Variants in TESK2 observed in about 807,000 individuals in gnomAD.
The protein encoded by TESK2 is testis associated actin remodelling kinase 2.
TESK2 carries 39 observed loss-of-function variants against 57.1 expected under a neutral mutation model. The observed-to-expected ratio is 0.68, with a 90% confidence interval of 0.53 to 0.89. The LOEUF (loss-of-function observed/expected upper bound fraction) is 0.89. Ranked by LOEUF, TESK2 falls within the 40% of genes least tolerant of loss-of-function variation. TESK2 has a pLI of 0.00. For synonymous variants in TESK2, 249 were observed against 267.9 expected (o/e 0.93, Z 0.69); for missense variants, 646 against 732.1 (o/e 0.88, Z 1.36).
At chr1:45,425,878 C>T (rs972551686) in intron 2 of TESK2, among the ~76,000 whole-genome samples, 3 of 151,944 alleles carry the variant, frequency 2.0e-5, no homozygotes, top group Non-Finnish European at 4.4e-5. Flanking sequence ...GGTGCAGTAG[C>T]TTATGCCTGT....
intron 3 of TESK2, among the ~76,000 whole-genome samples, chr1:45,392,837 C>T (rs974584755): frequency 2.0e-5 from 3 of 152,308 alleles, no homozygotes; most frequent in Non-Finnish European, 2.9e-5. Flanking sequence ...GCCACTATGC[C>T]GGGCCAAGGC....
At chr1:45,357,389 G>T (rs1647477616) in intron 4 of TESK2, among the ~76,000 whole-genome samples, 1 of 151,896 alleles carries the variant, frequency 6.6e-6, no homozygotes, top group Non-Finnish European at 1.5e-5. Flanking sequence ...TTGCAACCAG[G>T]AAATCATTGG....
chr1:45,456,043 A>C (rs1451526330), intron 2 of TESK2, among the ~76,000 whole-genome samples: 3 of 151,672 alleles, frequency 2.0e-5, no homozygotes, highest in Non-Finnish European at 4.4e-5. Flanking sequence ...AAATACAAAA[A>C]TTAGCTGGGC....
At chr1:45,426,274 A>G (rs1232839197) in intron 2 of TESK2, among the ~76,000 whole-genome samples, 1 of 152,234 alleles carries the variant, frequency 6.6e-6, no homozygotes, top group Non-Finnish European at 1.5e-5. Flanking sequence ...AATGGAACAG[A>G]ATAGAGAATC....
At chr1:45,482,742 G>A (rs1653280946) in intron 1 of TESK2, among the ~76,000 whole-genome samples, 1 of 141,782 alleles carries the variant, frequency 7.1e-6, no homozygotes, top group African/African-American at 2.6e-5. Context: ...CACCCTGGGA[G>A]GCCAAGGGGG....
chr1:45,372,534 G>A (rs752579934), intron 4 of TESK2, among the ~76,000 whole-genome samples: 6 of 148,854 alleles, frequency 4.0e-5, no homozygotes, highest in East Asian at 4.1e-4. Context: ...AGCCAAGATC[G>A]TGCCACTGCA....
chr1:45,422,455 T>G (rs1182997520), intron 2 of TESK2, among the ~76,000 whole-genome samples: 1 of 152,130 alleles, frequency 6.6e-6, no homozygotes, highest in Non-Finnish European at 1.5e-5. Context: ...TGTTGTTGTT[T>G]TTGTTTGAGA....
chr1:45,370,167 T>C (rs1458234611), intron 4 of TESK2, among the ~76,000 whole-genome samples: 1 of 152,134 alleles, frequency 6.6e-6, no homozygotes, highest in Non-Finnish European at 1.5e-5. Context: ...AGAGGAGAAC[T>C]AGGAGAAAAG....
intron 1 of TESK2, among the ~76,000 whole-genome samples, chr1:45,484,226 G>C (rs974756196): frequency 6.7e-6 from 1 of 148,970 alleles, no homozygotes; most frequent in Non-Finnish European, 1.5e-5. Context: ...CTCCTACCTC[G>C]GCCTCCCGAG....
chr1:45,486,638 G>C (rs908503831), intron 1 of TESK2, among the ~76,000 whole-genome samples: 7 of 150,094 alleles, frequency 4.7e-5, no homozygotes, highest in African/African-American at 1.7e-4. Context: ...TCTTGCCACT[G>C]CACTCCAGCC....
intron 4 of TESK2, among the ~76,000 whole-genome samples, chr1:45,363,509 G>T (rs1456619109): frequency 6.6e-6 from 1 of 152,126 alleles, no homozygotes; most frequent in Non-Finnish European, 1.5e-5. Context: ...GCTTATAAAA[G>T]TCTGACTCCT....
At chr1:45,346,833 T>A (rs906699114) in intron 8 of TESK2, 54 bp from the exon 9 acceptor site, 1 of 1,569,408 alleles carries the variant, frequency 6.4e-7, no homozygotes, top group Non-Finnish European at 8.8e-7. Flanking sequence ...CCCCCACCCA[T>A]CCTAGCCTGC....
intron 5 of TESK2, among the ~76,000 whole-genome samples, 197 bp from the exon 6 acceptor site, chr1:45,348,197 G>C (rs186159823): frequency 6.6e-6 from 1 of 152,196 alleles, no homozygotes; most frequent in African/African-American, 2.4e-5. Context: ...CTGGGTCTTG[G>C]GTGGCTGTCC....
intron 4 of TESK2, among the ~76,000 whole-genome samples, chr1:45,381,660 C>T (rs995762489): frequency 6.6e-6 from 1 of 151,938 alleles, no homozygotes; most frequent in Admixed American, 6.6e-5. Flanking sequence ...GTTCAGCTAA[C>T]TCTGGAAATG....
At chr1:45,480,776 T>A (rs1355811078) in intron 1 of TESK2, among the ~76,000 whole-genome samples, 1 of 147,636 alleles carries the variant, frequency 6.8e-6, no homozygotes, top group Non-Finnish European at 1.5e-5. Flanking sequence ...TCACCTGAGG[T>A]CAGGAGTTCG....
intron 1 of TESK2, among the ~76,000 whole-genome samples, chr1:45,468,977 A>T (rs1652660133): frequency 6.6e-6 from 1 of 152,246 alleles, no homozygotes; most frequent in Admixed American, 6.5e-5. Context: ...ATAAGGACAC[A>T]AGTAATTTTT....
chr1:45,412,400 A>G (rs1045167956), intron 3 of TESK2, among the ~76,000 whole-genome samples: 1 of 152,228 alleles, frequency 6.6e-6, no homozygotes, highest in Non-Finnish European at 1.5e-5. Flanking sequence ...AAATGGCTGG[A>G]ATTTTTCAGG....
intron 3 of TESK2, among the ~76,000 whole-genome samples, chr1:45,419,663 G>A (rs181035815): frequency 1.3e-3 from 198 of 152,070 alleles, no homozygotes; most frequent in African/African-American, 4.6e-3. Context: ...AAAATTAGCC[G>A]GGTGTGATGG....
rs890191435 is a variant in TESK2, at chr1:45,399,003, A to C, written c.345-13043T>G. 4.1e-5 allele frequency: 18 copies of C among 436,252 alleles called. No individual in the cohort carries two copies. In the East Asian group the frequency reaches 5.6e-4, roughly 14 times the overall value. The allele number at this position is 436,252 out of a possible 1,614,324, so 27.0% of individuals were successfully genotyped here. On this transcript the variant is annotated intron_variant, in intron 3 of 10. Transcript: ENST00000372086. ...GACCTGAAAAAAAAAAAAAAAAAAA[A>C]AAAACAAGCCTTTAAGCCACTAGTT...
Sources: gnomAD v4.1 joint callset for allele counts (sites outside exome capture counted in the v4.1 genomes callset) on GRCh38, gnomAD v4.1.1 for gene constraint, MANE v1.5 for transcripts, NCBI Gene and HGNC (gene_info 2026-07-23, HGNC 2026-07-21) for gene names.